Variants in PRELID2 observed in about 807,000 individuals in gnomAD.
The protein encoded by PRELID2 is PRELI domain-containing protein 2.
A neutral mutation model predicts 28.4 loss-of-function variants in PRELID2; 25 were observed. The observed-to-expected ratio is 0.88, with a 90% CI of 0.64 to 1.23. The LOEUF (loss-of-function observed/expected upper bound fraction) is 1.23. Among genes scored for constraint, PRELID2 ranks in the 50% most tolerant of loss-of-function variants. The pLI, the probability that PRELID2 is intolerant of heterozygous loss-of-function variation, is 0.00. For synonymous variants in PRELID2, 76 were observed against 71.6 expected, an observed-to-expected ratio of 1.06 and a Z score of -0.31; for missense variants, 201 against 214.4, an observed-to-expected ratio of 0.94 and a Z score of 0.39.
At chr5:145,324,503 C>G in the PRELID2 span, among the ~76,000 whole-genome samples, 1 of 152,148 alleles carries the variant, frequency 6.6e-6, no homozygotes, top group African/African-American at 2.4e-5. Flanking sequence ...GTTTCTGGAA[C>G]AAAACTTATT....
At chr5:145,273,352 C>T in the PRELID2 span, among the ~76,000 whole-genome samples, 1 of 152,088 alleles carries the variant, frequency 6.6e-6, no homozygotes, top group Non-Finnish European at 1.5e-5. Context: ...GCACGCCCAA[C>T]CCTCCAGTTC....
chr5:145,438,580 T>A, the PRELID2 span, among the ~76,000 whole-genome samples: 1 of 152,140 alleles, frequency 6.6e-6, no homozygotes, highest in Non-Finnish European at 1.5e-5. Flanking sequence ...TTATTGATAA[T>A]TCTTAAGTTA....
At chr5:145,382,932 C>A in the PRELID2 span, among the ~76,000 whole-genome samples, 1 of 151,294 alleles carries the variant, frequency 6.6e-6, no homozygotes, top group Admixed American at 6.6e-5. Flanking sequence ...AAATATATAA[C>A]AATGATCTAT....
chr5:145,255,321 A>G, the PRELID2 span, among the ~76,000 whole-genome samples: 4 of 152,156 alleles, frequency 2.6e-5, no homozygotes, highest in Non-Finnish European at 5.9e-5. Flanking sequence ...GAAAAAAAAT[A>G]CACAGAAAGG....
the PRELID2 span, among the ~76,000 whole-genome samples, chr5:145,261,709 A>T: frequency 6.6e-6 from 1 of 152,174 alleles, no homozygotes; most frequent in African/African-American, 2.4e-5. Flanking sequence ...TGAGCCCCTG[A>T]TCTTCCCTCT....
At chr5:145,391,321 T>C in the PRELID2 span, among the ~76,000 whole-genome samples, 1 of 152,218 alleles carries the variant, frequency 6.6e-6, no homozygotes, top group East Asian at 1.9e-4. Context: ...ACAAGCTGAA[T>C]ATAACATGAA....
chr5:145,454,400 AT>A, the PRELID2 span, among the ~76,000 whole-genome samples: 1 of 152,196 alleles, frequency 6.6e-6, no homozygotes, highest in Admixed American at 6.5e-5. Flanking sequence ...CACCACTCCT[AT>A]TCAACATAGT....
chr5:145,445,523 A>C, the PRELID2 span, among the ~76,000 whole-genome samples: 1 of 152,058 alleles, frequency 6.6e-6, no homozygotes, highest in Non-Finnish European at 1.5e-5. Context: ...AAATAAACAA[A>C]TGGAATTTTA....
intron 1 of PRELID2, among the ~76,000 whole-genome samples, chr5:145,621,770 C>T (rs1402472795): frequency 6.6e-6 from 1 of 152,054 alleles, no homozygotes; most frequent in African/African-American, 2.4e-5. Flanking sequence ...TTCTAGTATT[C>T]TATGGCACTG....
At chr5:145,829,376 A>G (rs1214695675) in intron 1 of PRELID2, among the ~76,000 whole-genome samples, 1 of 152,080 alleles carries the variant, frequency 6.6e-6, no homozygotes, top group Admixed American at 6.6e-5. Flanking sequence ...TTCTGAGGCC[A>G]CTTCTCTCAG....
At chr5:145,462,932 T>A in the PRELID2 span, among the ~76,000 whole-genome samples, 1 of 152,128 alleles carries the variant, frequency 6.6e-6, no homozygotes. Context: ...AATAGTAAAC[T>A]CTCTCCAGTG....
the PRELID2 span, among the ~76,000 whole-genome samples, chr5:145,421,388 T>C: frequency 6.6e-6 from 1 of 151,054 alleles, no homozygotes; most frequent in African/African-American, 2.4e-5. Context: ...TGGTAAGCTA[T>C]TGATTATTGC....
At chr5:145,231,627 A>G in the PRELID2 span, among the ~76,000 whole-genome samples, 3 of 152,182 alleles carry the variant, frequency 2.0e-5, no homozygotes, top group African/African-American at 7.2e-5. Flanking sequence ...GAAGTGCTTC[A>G]CAGGATATGC....
the PRELID2 span, among the ~76,000 whole-genome samples, chr5:145,397,623 T>A: frequency 6.6e-6 from 1 of 152,164 alleles, no homozygotes; most frequent in African/African-American, 2.4e-5. Flanking sequence ...TAACTAGTCA[T>A]CTACAAAGCT....
At position 145,757,668 on chromosome 5, in the gene PRELID2, A is replaced by G. The variant is rs935098738; in HGVS notation, c.*2868T>C. 1.3e-5 allele frequency among the ~76,000 whole-genome samples: 2 copies of G among 152,112 alleles called. No individual in the cohort carries two copies. The highest frequency in any genetic ancestry group is 2.9e-5 in the Non-Finnish European group (2 of 68,018). ...TAAAAAAATTAACAAGCCCTAATTA[A>G]TTCCAAAAAGAGGACAGACACAGTG... On this transcript the variant is annotated 3_prime_UTR_variant, in exon 7 of 7. Transcript: ENST00000683046.
chr5:145,519,951 T>A (rs1752549849), intron 1 of PRELID2, among the ~76,000 whole-genome samples: 1 of 152,206 alleles, frequency 6.6e-6, no homozygotes, highest in Non-Finnish European at 1.5e-5. Context: ...AAATCATACT[T>A]ATGCTCTTTG....
chr5:145,556,620 T>C (rs1334961490), intron 1 of PRELID2, among the ~76,000 whole-genome samples: 1 of 152,158 alleles, frequency 6.6e-6, no homozygotes, highest in African/African-American at 2.4e-5. Flanking sequence ...CAGTACCCTA[T>C]TGCCACACCA....
At chr5:145,486,136 C>T (rs1752215521) in intron 1 of PRELID2, among the ~76,000 whole-genome samples, 1 of 152,176 alleles carries the variant, frequency 6.6e-6, no homozygotes. Context: ...CCAATGACTT[C>T]ACTATAGGGG....
intron 5 of PRELID2, among the ~76,000 whole-genome samples, chr5:145,766,768 T>A (rs1006234011): frequency 2.0e-5 from 3 of 152,130 alleles, no homozygotes; most frequent in African/African-American, 7.2e-5. Flanking sequence ...TGATCACTTT[T>A]ACTAAGGAGT....
Sources: gnomAD v4.1 joint callset for allele counts (sites outside exome capture counted in the v4.1 genomes callset) on GRCh38, gnomAD v4.1.1 for gene constraint, MANE v1.5 for transcripts, NCBI Gene and HGNC (gene_info 2026-07-23, HGNC 2026-07-21) for gene names.